SASH3: variants seen among roughly 807,000 people sequenced by gnomAD.
The protein encoded by SASH3 is SAM and SH3 domain containing 3, also known as SAM and SH3 domain-containing protein 3.
Under a neutral mutation model 26.1 loss-of-function variants are expected in SASH3, and 7 were observed. That is an observed-to-expected ratio of 0.27 (90% CI 0.15 to 0.50). The LOEUF (loss-of-function observed/expected upper bound fraction) is 0.50, where lower values mean the gene tolerates loss of function less well. Among genes scored for constraint, SASH3 ranks in the 20% least tolerant of loss-of-function variants. The pLI is 0.98. For synonymous variants in SASH3, 138 were observed against 136.8 expected (o/e 1.01, Z -0.06); for missense variants, 231 against 318.3 (o/e 0.73, Z 2.09).
Position 129,790,929 on chromosome X carries a change from C to A in SASH3, c.301-11C>A, listed in dbSNP as rs1037372881. The A allele has an allele frequency of 4.1e-6, 5 of 1,207,303 alleles. No homozygotes were observed. The African/African-American group carries it at 8.8e-5, about 21-fold the overall frequency. On this transcript the variant is annotated splice_polypyrimidine_tract_variant and intron_variant, in intron 3 of 7. Transcript: ENST00000356892. The stretch of plus-strand genomic sequence containing the variant: ...AGGCTCCTTAAAGCTTCCCGCCTAC[C>A]CTCCCTGCAGGCAGACACTCTGGAG...
Position 129,793,611 on chromosome X carries a change from A to T in SASH3, c.953-31A>T. 2.5e-6 allele frequency: 3 copies of T among 1,202,134 alleles called. No individual in the cohort carries two copies. In the South Asian group the frequency reaches 5.4e-5, roughly 21 times the overall value. On this transcript the variant is annotated intron_variant, in intron 7 of 7. Coordinates refer to ENST00000356892, the MANE Select transcript of SASH3 (RefSeq NM_018990.4). ...TCCCAAGGTCCCTACCTCCACCCCC[A>T]TATTCTGTCTCCCTCTCTCGTCCCT...
rs1286587317 is a variant in SASH3, at chrX:129,794,875, T to C, written c.*1043T>C. On this transcript the variant is annotated 3_prime_UTR_variant, in exon 8 of 8. Coordinates refer to ENST00000356892, the MANE Select transcript of SASH3 (RefSeq NM_018990.4). Reference sequence around the variant, plus strand: ...AGCAAAGAGAGCACTAAACTTGACATTGGGGGTCCACCACTCCAACTTTGC... The same window carrying C: ...AGCAAAGAGAGCACTAAACTTGACACTGGGGGTCCACCACTCCAACTTTGC... 2 of 111,315 alleles carry C rather than the reference T, an allele frequency of 1.8e-5. No individual in the cohort carries two copies. Among genetic ancestry groups the C allele is most frequent in the African/African-American group, 3.3e-5 (1 of 30,626 alleles). The allele number at this position is 111,315 out of a possible 1,213,427, so 9.2% of individuals were successfully genotyped here. A position where few individuals can be genotyped will look rare whatever the true frequency, so the allele number is the denominator to read the frequency against.
chrX:129,792,042 C>G (rs778868243), intron 4 of SASH3, among the ~76,000 whole-genome samples: 6 of 111,829 alleles, frequency 5.4e-5, no homozygotes, highest in Admixed American at 9.5e-5. Context: ...CAGTTGTTCT[C>G]TAGAGGCCCT....
chrX:129,790,007 A>G (rs1927202476), intron 3 of SASH3, among the ~76,000 whole-genome samples: 1 of 112,403 alleles, frequency 8.9e-6, no homozygotes, highest in African/African-American at 3.2e-5. Context: ...AGGACGAGGC[A>G]AGATGATTGC....
At chrX:129,783,709 C>G (rs1395986367) in intron 1 of SASH3, among the ~76,000 whole-genome samples, 1 of 111,330 alleles carries the variant, frequency 9.0e-6, no homozygotes. Flanking sequence ...GCTGGATTCT[C>G]ACACACACAG....
At position 129,788,592 on chromosome X, in the gene SASH3, T is replaced by C. The variant is rs1218420706; in HGVS notation, c.300+15T>C. 2.5e-6 allele frequency: 3 copies of C among 1,204,655 alleles called. No individual in the cohort carries two copies. Among genetic ancestry groups the C allele is most frequent in the Admixed American group, 2.2e-5 (1 of 45,664 alleles). ...CAGAAGAGATGGTGAGGCCTGCAGA[T>C]ATAGGGGATGGGGTGTCCAGGGGGC... On this transcript the variant is annotated intron_variant, in intron 3 of 7. Transcript: ENST00000356892.
intron 1 of SASH3, among the ~76,000 whole-genome samples, chrX:129,786,500 C>A (rs1440433620): frequency 9.0e-6 from 1 of 110,754 alleles, no homozygotes; most frequent in Non-Finnish European, 1.9e-5. Context: ...GTTCCTCAAG[C>A]CCTTATCTCG....
intron 2 of SASH3, 29 bp downstream of exon 2, chrX:129,788,099 T>C (rs765831877): frequency 1.1e-5 from 4 of 361,681 alleles, no homozygotes; most frequent in Non-Finnish European, 1.8e-5. Flanking sequence ...TTGTGGGATC[T>C]GGCTGCAGGC....
At chrX:129,790,749 G>A (rs968593198) in intron 3 of SASH3, among the ~76,000 whole-genome samples, 191 bp from the exon 4 acceptor site, 5 of 111,107 alleles carry the variant, frequency 4.5e-5, no homozygotes, top group African/African-American at 6.6e-5. Context: ...AGGTAACCAG[G>A]GCAAGGACTG....
At chrX:129,790,870 G>A in intron 3 of SASH3, 70 bp from the exon 4 acceptor site, 3 of 1,141,816 alleles carry the variant, frequency 2.6e-6, no homozygotes, top group East Asian at 3.0e-5. Flanking sequence ...ACTAAGCCCA[G>A]GCCCATTTCT....
At chrX:129,788,137 G>GGGGGGGGGGGGGC in intron 2 of SASH3, 67 bp downstream of exon 2, 7 of 354,250 alleles carry the variant, frequency 2.0e-5, no homozygotes, top group East Asian at 6.3e-5. Flanking sequence ...GGGTGGGAGG[G>GGGGGGGGGGGGGC]AAGAGGGTGA....
chrX:129,794,012 T>C lies in SASH3; in HGVS notation c.*180T>C. On this transcript the variant is annotated 3_prime_UTR_variant, in exon 8 of 8. Transcript: ENST00000356892. The stretch of plus-strand genomic sequence containing the variant: ...CTACAGGTTCCAGGCTCAGCTGGAG[T>C]GGTTGGGGAGTCGCCCAAGGGCACA... 4.3e-6 allele frequency: 2 copies of C among 462,068 alleles called. No homozygotes were observed. Among genetic ancestry groups the C allele is most frequent in the Non-Finnish European group, 7.2e-6 (2 of 279,268 alleles). The allele number at this position is 462,068 out of a possible 1,213,427, so 38.1% of individuals were successfully genotyped here. A position where few individuals can be genotyped will look rare whatever the true frequency, so the allele number is the denominator to read the frequency against.
intron 1 of SASH3, among the ~76,000 whole-genome samples, chrX:129,781,166 G>A (rs922613824): frequency 2.7e-5 from 3 of 112,243 alleles, no homozygotes; most frequent in African/African-American, 9.7e-5. Context: ...GCTATCCCCC[G>A]CCAATTTTCC....
In SASH3 at chrX:129,793,094, C is replaced by A. The variant is rs142835579; in HGVS notation, c.907C>A (p.Arg303=). 48 of 1,209,556 alleles carry A rather than the reference C, an allele frequency of 4.0e-5. No homozygotes were observed. The African/African-American group carries it at 7.5e-4, about 19-fold the overall frequency. The change falls in exon 7 of 8, where the codon CGG becomes AGG. Residue 303 remains arginine (R), a synonymous_variant. Transcript: ENST00000356892. The stretch of plus-strand genomic sequence containing the variant: ...GCTGAACATCATGGATCCACAGCAC[C>A]GGGCCAAGCTGCTCACGGCCGCCGA... The part of the protein sequence containing the change: ...NELNIMDPQH[R]AKLLTAAELL...
Position 129,793,766 on chromosome X carries a change from C to T in SASH3, c.1077C>T (p.Arg359=), listed in dbSNP as rs373319291. 1.0e-4 allele frequency: 124 copies of T among 1,207,526 alleles called. No homozygotes were observed. The Admixed American group carries it at 1.2e-3, about 12-fold the overall frequency. Residue 359 remains arginine (R), a synonymous_variant, in exon 8 of 8, where the codon CGC becomes CGT. Transcript: ENST00000356892. ...SGCFEGSESG[R]DDAELAGTEE... is the part of the protein sequence containing the mutation. ...GCTTTGAGGGCTCGGAGAGCGGGCG[C>T]GATGACGCAGAGCTGGCAGGCACTG...
At chrX:129,788,137 G>GGGGGCTGGT in intron 2 of SASH3, 67 bp downstream of exon 2, 1 of 354,277 alleles carries the variant, frequency 2.8e-6, no homozygotes, top group Non-Finnish European at 5.4e-6. Flanking sequence ...GGGTGGGAGG[G>GGGGGCTGGT]AAGAGGGTGA....
At position 129,793,751 on chromosome X, in the gene SASH3, C is replaced by A; in HGVS notation, c.1062C>A (p.Gly354=). ...CGCGCGACTCAGGCTGCTTTGAGGG[C>A]TCGGAGAGCGGGCGCGATGACGCAG... ...DIPRDSGCFE[G]SESGRDDAEL... is the part of the protein sequence containing the mutation. The change falls in exon 8 of 8, where the codon GGC becomes GGA. Residue 354 remains glycine, a synonymous_variant. Transcript: ENST00000356892. The A allele has an allele frequency of 8.3e-7, 1 of 1,210,872 alleles. No individual in the cohort carries two copies.
rs758514745 is a variant in SASH3 at position 129,793,710 on chromosome X, C to T, written c.1021C>T (p.Pro341Ser). The change falls in exon 8 of 8, where the codon CCC (proline) becomes TCC (serine). Residue 341 changes from proline (P) to serine (S), a missense_variant. Physicochemically the swap from Pro to Ser is moderately conservative, Grantham distance 74. Transcript: ENST00000356892. ...GCCAGTGGCACACACAGTGTCGGAA[C>T]CCAAGGTGGACATCCCGCGCGACTC... Reference protein sequence around the residue: ...QEPVAHTVSEPKVDIPRDSGC... With the variant: ...QEPVAHTVSESKVDIPRDSGC... 8.3e-7 allele frequency: 1 copy of T among 1,211,103 alleles called. No homozygotes were observed. The highest frequency in any genetic ancestry group is 1.1e-6 in the Non-Finnish European group (1 of 895,298).
chrX:129,785,332 A>G (rs1602926533), intron 1 of SASH3, among the ~76,000 whole-genome samples: 1 of 111,351 alleles, frequency 9.0e-6, no homozygotes, highest in Admixed American at 9.5e-5. Context: ...GGCGGTCAAG[A>G]TACTTGGGGC....
Sources: gnomAD v4.1 joint callset for allele counts (sites outside exome capture counted in the v4.1 genomes callset) on GRCh38, gnomAD v4.1.1 for gene constraint, MANE v1.5 for transcripts, NCBI Gene and HGNC (gene_info 2026-07-23, HGNC 2026-07-21) for gene names.